ARHGAP15: variants seen among roughly 807,000 people sequenced by gnomAD.
ARHGAP15 encodes the protein rho GTPase-activating protein 15.
A neutral mutation model predicts 63.7 loss-of-function variants in ARHGAP15; 51 were observed. The observed-to-expected ratio is 0.80, with a 90% confidence interval of 0.64 to 1.01. The LOEUF (loss-of-function observed/expected upper bound fraction) is 1.01. Ranked by LOEUF, ARHGAP15 falls within the 50% of genes least tolerant of loss-of-function variation. ARHGAP15 has a pLI of 0.00. For synonymous variants in ARHGAP15, 191 were observed against 193.8 expected (o/e 0.99, Z 0.12); for missense variants, 560 against 564.6 (o/e 0.99, Z 0.08).
intron 4 of ARHGAP15, among the ~76,000 whole-genome samples, chr2:143,218,277 C>CTTTTTT (rs762494225): frequency 0.011 from 974 of 91,936 alleles, no homozygotes; most frequent in African/African-American, 0.014. Context: ...TTTAGTTTTC[C>CTTTTTT]TTTTTTTTTT....
intron 2 of ARHGAP15, among the ~76,000 whole-genome samples, chr2:143,187,831 T>G (rs1691509205): frequency 6.6e-6 from 1 of 152,240 alleles, no homozygotes. Flanking sequence ...GAGAATAGCC[T>G]GGTCCCTTTC....
At chr2:143,582,600 C>T (rs189018795) in intron 11 of ARHGAP15, among the ~76,000 whole-genome samples, 1 of 152,236 alleles carries the variant, frequency 6.6e-6, no homozygotes, top group East Asian at 1.9e-4. Flanking sequence ...GATGAGTGAG[C>T]CAAAGTGACA....
chr2:143,506,120 A>G (rs1305362474), intron 9 of ARHGAP15, among the ~76,000 whole-genome samples: 1 of 152,148 alleles, frequency 6.6e-6, no homozygotes, highest in African/African-American at 2.4e-5. Flanking sequence ...ATTCTAACAA[A>G]TCTATGCTGA....
At chr2:143,429,744 C>T (rs556160928) in intron 6 of ARHGAP15, among the ~76,000 whole-genome samples, 2 of 152,156 alleles carry the variant, frequency 1.3e-5, no homozygotes, top group East Asian at 3.9e-4. Flanking sequence ...GAACATTTCA[C>T]GGAGTCAGAA....
intron 6 of ARHGAP15, among the ~76,000 whole-genome samples, chr2:143,313,239 G>C (rs1278417657): frequency 6.6e-6 from 1 of 152,148 alleles, no homozygotes; most frequent in Non-Finnish European, 1.5e-5. Context: ...GCACTACCGA[G>C]TTTTTGAAGT....
At chr2:143,410,943 C>T (rs1688416030) in intron 6 of ARHGAP15, among the ~76,000 whole-genome samples, 1 of 151,820 alleles carries the variant, frequency 6.6e-6, no homozygotes, top group South Asian at 2.1e-4. Flanking sequence ...ATGGCTCACG[C>T]CTGTAATCTC....
chr2:143,422,498 T>C (rs189211445), intron 6 of ARHGAP15, among the ~76,000 whole-genome samples: 204 of 152,260 alleles, frequency 1.3e-3, no homozygotes, highest in Non-Finnish European at 2.4e-3. Context: ...CTGGACAGAA[T>C]ACAGAACCCA....
intron 1 of ARHGAP15, among the ~76,000 whole-genome samples, chr2:143,143,865 G>A (rs144633254): frequency 0.064 from 9,758 of 151,758 alleles, 789 homozygotes; most frequent in South Asian, 0.24. Context: ...AATCGCCCAG[G>A]TATTAAGCCT....
intron 3 of ARHGAP15, among the ~76,000 whole-genome samples, chr2:143,204,964 C>A (rs1399064746): frequency 4.6e-5 from 7 of 151,320 alleles, no homozygotes; most frequent in Admixed American, 4.0e-4. Context: ...CAAAAACAAA[C>A]AAACAAAACC....
intron 12 of ARHGAP15, among the ~76,000 whole-genome samples, chr2:143,662,865 A>T (rs1417649790): frequency 2.8e-5 from 4 of 140,652 alleles, no homozygotes; most frequent in Non-Finnish European, 6.2e-5. Flanking sequence ...AGTTTAGAGA[A>T]AAAAGAATAA....
At chr2:143,737,810 G>A (rs1428533063) in intron 13 of ARHGAP15, among the ~76,000 whole-genome samples, 1 of 151,962 alleles carries the variant, frequency 6.6e-6, no homozygotes, top group Non-Finnish European at 1.5e-5. Context: ...AGGCTGGAGT[G>A]CAATGGCACG....
At chr2:143,201,681 G>A (rs1457085169) in intron 2 of ARHGAP15, among the ~76,000 whole-genome samples, 2 of 152,038 alleles carry the variant, frequency 1.3e-5, no homozygotes, top group African/African-American at 2.4e-5. Flanking sequence ...AAACCTATAA[G>A]GCTTTCCTTG....
intron 6 of ARHGAP15, among the ~76,000 whole-genome samples, chr2:143,330,127 A>AC (rs1558897993): frequency 1.2e-5 from 1 of 81,302 alleles, no homozygotes; most frequent in African/African-American, 5.1e-5. Flanking sequence ...AAAAAAAAAA[A>AC]AAAACCAAAA....
chr2:143,433,055 CAA>C (rs1335443618), intron 6 of ARHGAP15, among the ~76,000 whole-genome samples: 13 of 152,016 alleles, frequency 8.6e-5, no homozygotes, highest in Admixed American at 8.5e-4. Flanking sequence ...GTTGTTCAAT[CAA>C]AAGATTTAGT....
intron 12 of ARHGAP15, among the ~76,000 whole-genome samples, chr2:143,697,064 A>G (rs1420076856): frequency 6.6e-6 from 1 of 152,172 alleles, no homozygotes; most frequent in Non-Finnish European, 1.5e-5. Flanking sequence ...ACTACGGGCT[A>G]CGCTCAAGGC....
intron 6 of ARHGAP15, among the ~76,000 whole-genome samples, chr2:143,280,350 C>G (rs1473908252): frequency 2.0e-5 from 3 of 152,030 alleles, no homozygotes; most frequent in South Asian, 4.2e-4. Context: ...AGGGGAAAAG[C>G]CTTTACCTTG....
chr2:143,345,455 T>C (rs1685228162), intron 6 of ARHGAP15, among the ~76,000 whole-genome samples: 1 of 152,084 alleles, frequency 6.6e-6, no homozygotes, highest in Non-Finnish European at 1.5e-5. Context: ...TCCAAAGTAC[T>C]CTTCCACCTG....
chr2:143,652,874 T>C (rs1452763693), intron 12 of ARHGAP15, among the ~76,000 whole-genome samples: 1 of 152,108 alleles, frequency 6.6e-6, no homozygotes, highest in Non-Finnish European at 1.5e-5. Context: ...AATAATATTT[T>C]TTGGCTTTCT....
At chr2:143,527,651 A>G (rs531142468) in intron 10 of ARHGAP15, among the ~76,000 whole-genome samples, 1 of 152,194 alleles carries the variant, frequency 6.6e-6, no homozygotes, top group African/African-American at 2.4e-5. Flanking sequence ...AATGTCCTAT[A>G]TCTAGGGTGT....
Sources: gnomAD v4.1 joint callset for allele counts (sites outside exome capture counted in the v4.1 genomes callset) on GRCh38, gnomAD v4.1.1 for gene constraint, MANE v1.5 for transcripts, NCBI Gene and HGNC (gene_info 2026-07-23, HGNC 2026-07-21) for gene names.